Variants in RREB1 observed in about 807,000 individuals in gnomAD.
The protein encoded by RREB1 is ras responsive element binding protein 1, also known as ras-responsive element-binding protein 1.
Under a neutral mutation model 117.8 loss-of-function variants are expected in RREB1, and 27 were observed. The observed-to-expected ratio is 0.23, with a 90% CI of 0.17 to 0.32. The LOEUF is 0.32. Ranked by LOEUF, RREB1 falls within the 10% of genes least tolerant of loss-of-function variation. RREB1 has a pLI of 1.00. For synonymous variants in RREB1, 1,298 were observed against 1,026.7 expected, an observed-to-expected ratio of 1.26 and a Z score of -5.05; for missense variants, 2,577 against 2,378.2, an observed-to-expected ratio of 1.08 and a Z score of -1.74.
In RREB1 at chr6:7,251,489, C is replaced by CTTGTTTTTTTTT. The variant is rs747198771; in HGVS notation, c.*2523_*2524insGTTTTTTTTTTT. 51 of 121,270 alleles carry CTTGTTTTTTTTT rather than the reference C, an allele frequency of 4.2e-4. 1 individual carries two copies. Among genetic ancestry groups the CTTGTTTTTTTTT allele is most frequent in the Non-Finnish European group, 6.0e-4 (35 of 58,284 alleles). 7.5% of individuals were successfully genotyped at this position (121,270 alleles called of 1,614,324 possible). On this transcript the variant is annotated 3_prime_UTR_variant, in exon 13 of 13. Coordinates refer to ENST00000379938, the MANE Select transcript of RREB1 (RefSeq NM_001003699.4). ...GTTTTTTGAGGTGCAAGTTTTTTCT[C>CTTGTTTTTTTTT]TTTTTTTTTTTTTTTTTTTTTTCTC...
chr6:7,169,859 C>G (rs1335356511), intron 1 of RREB1, among the ~76,000 whole-genome samples: 1 of 152,152 alleles, frequency 6.6e-6, no homozygotes, highest in Non-Finnish European at 1.5e-5. Context: ...CCTAGCTCTC[C>G]CGTGGATCAT....
chr6:7,235,150 G>C (rs912239237), intron 10 of RREB1, among the ~76,000 whole-genome samples: 3 of 152,174 alleles, frequency 2.0e-5, no homozygotes, highest in African/African-American at 7.2e-5. Flanking sequence ...CAGCTTCCAG[G>C]GATGTTCAGC....
intron 1 of RREB1, among the ~76,000 whole-genome samples, chr6:7,171,907 G>A (rs1167458412): frequency 1.3e-5 from 2 of 152,024 alleles, no homozygotes; most frequent in Non-Finnish European, 2.9e-5. Flanking sequence ...CCAGAGCATG[G>A]AGACTCTTGA....
intron 1 of RREB1, among the ~76,000 whole-genome samples, chr6:7,144,068 A>C (rs1715629006): frequency 6.8e-6 from 1 of 146,242 alleles, no homozygotes; most frequent in Non-Finnish European, 1.5e-5. Flanking sequence ...GGTTTTGCAC[A>C]CTTTTTTTTT....
intron 4 of RREB1, among the ~76,000 whole-genome samples, chr6:7,186,053 G>A (rs971870822): frequency 3.5e-4 from 53 of 152,192 alleles, no homozygotes; most frequent in African/African-American, 1.2e-3. Context: ...TTTGCAAGGA[G>A]CAGAAACTCA....
At chr6:7,236,954 G>C (rs1275815951) in intron 10 of RREB1, among the ~76,000 whole-genome samples, 1 of 128,156 alleles carries the variant, frequency 7.8e-6, no homozygotes, top group African/African-American at 3.0e-5. Flanking sequence ...GAGTGCCTGT[G>C]TGCACCCTGG....
intron 2 of RREB1, among the ~76,000 whole-genome samples, chr6:7,179,768 C>G (rs968879970): frequency 4.6e-5 from 7 of 151,560 alleles, no homozygotes; most frequent in African/African-American, 1.7e-4. Flanking sequence ...CCTTCAAAGA[C>G]AGTTAAAAAC....
chr6:7,143,122 T>C (rs1484985439), intron 1 of RREB1, among the ~76,000 whole-genome samples: 1 of 152,200 alleles, frequency 6.6e-6, no homozygotes, highest in Admixed American at 6.5e-5. Context: ...AAATGATACA[T>C]AAGGAAATTC....
intron 1 of RREB1, among the ~76,000 whole-genome samples, chr6:7,116,856 A>T (rs1761421968): frequency 6.6e-6 from 1 of 152,230 alleles, no homozygotes; most frequent in Middle Eastern, 3.2e-3. Context: ...TTTACTAATT[A>T]TAACCATTTT....
intron 1 of RREB1, among the ~76,000 whole-genome samples, chr6:7,137,698 T>C (rs1762400947): frequency 6.6e-6 from 1 of 151,090 alleles, no homozygotes; most frequent in African/African-American, 2.4e-5. Flanking sequence ...CAGGGAAGCC[T>C]CCAGCACGTG....
chr6:7,216,033 A>G (rs1766881740), intron 8 of RREB1: 1 of 152,252 alleles, frequency 6.6e-6, no homozygotes, highest in Non-Finnish European at 1.5e-5. Context: ...TTATTGTGTA[A>G]TCTTAGATGG....
chr6:7,218,628 C>A (rs1010828191), intron 8 of RREB1: 1 of 152,180 alleles, frequency 6.6e-6, no homozygotes, highest in Admixed American at 6.5e-5. Flanking sequence ...ATTCCCTTTT[C>A]AGGGCTGATG....
At chr6:7,211,929 T>C in intron 8 of RREB1, 2 of 556,882 alleles carry the variant, frequency 3.6e-6, no homozygotes, top group South Asian at 2.2e-5. Context: ...CACTGTGCCT[T>C]CTTTCTCTCA....
rs757889984 is a variant in RREB1, at chr6:7,231,085, G to A, written c.2986G>A (p.Ala996Thr). 6.2e-7 allele frequency: 1 copy of A among 1,613,314 alleles called. No individual in the cohort carries two copies. Among genetic ancestry groups the A allele is most frequent in the Non-Finnish European group, 8.5e-7 (1 of 1,179,990 alleles). Residue 996 changes from alanine (A) to threonine (T), a missense_variant, in exon 10 of 13, where the codon GCT (alanine) becomes ACT (threonine). Coordinates refer to ENST00000379938, the MANE Select transcript of RREB1 (RefSeq NM_001003699.4). ...AATCCTGGAAAGCCCCATGGCCCCT[G>A]CTCCGGCGGCCACCCCGGAACCCCC... ...SGILESPMAP[A>T]PAATPEPPAQ...
chr6:7,188,455 G>A (rs536054533), intron 5 of RREB1, among the ~76,000 whole-genome samples: 143 of 152,124 alleles, frequency 9.4e-4, no homozygotes, highest in African/African-American at 3.3e-3. Flanking sequence ...GTTTCAGCAC[G>A]TTTATATTAG....
chr6:7,168,385 G>A (rs1228883864), intron 1 of RREB1, among the ~76,000 whole-genome samples: 1 of 151,910 alleles, frequency 6.6e-6, no homozygotes, highest in African/African-American at 2.4e-5. Context: ...ATGCAAGATA[G>A]ATTGTCCCCT....
At chr6:7,129,889 G>A (rs139075532) in intron 1 of RREB1, among the ~76,000 whole-genome samples, 237 of 152,270 alleles carry the variant, frequency 1.6e-3, no homozygotes, top group African/African-American at 5.4e-3. Context: ...GTTGGTAGAC[G>A]GGTGTATATA....
chr6:7,234,178 C>T (rs73376338), intron 10 of RREB1, among the ~76,000 whole-genome samples: 3,593 of 152,286 alleles, frequency 0.024, 135 homozygotes, highest in African/African-American at 0.081. Context: ...GACAGCAGTT[C>T]AGGGAAGAAA....
chr6:7,117,414 T>G (rs1388416012), intron 1 of RREB1, among the ~76,000 whole-genome samples: 4 of 52,750 alleles, frequency 7.6e-5, no homozygotes, highest in Middle Eastern at 0.032. Context: ...TTTTTTTTTT[T>G]TTTTTTTTTT....
Sources: allele counts gnomAD v4.1 joint callset (sites outside exome capture counted in the v4.1 genomes callset), GRCh38; gene constraint gnomAD v4.1.1; transcripts MANE v1.5; gene names NCBI Gene and HGNC (gene_info 2026-07-23, HGNC 2026-07-21).